The following C11orf54 variants were observed in gnomAD, a reference collection of about 807,000 sequenced individuals.
C11orf54 encodes beta-keto L-gulonate decarboxylase.
Under a neutral mutation model 35.5 loss-of-function variants are expected in C11orf54, and 29 were observed. The observed-to-expected ratio is 0.82, with a 90% CI of 0.61 to 1.11. The LOEUF is 1.11. Ranked by LOEUF, C11orf54 falls within the 50% of genes most tolerant of loss-of-function variation. C11orf54 has a pLI of 0.00. For missense variants in C11orf54, 373 were observed against 369.2 expected (o/e 1.01, Z -0.08); for synonymous variants, 108 against 121.1 (o/e 0.89, Z 0.71).
Position 93,745,356 on chromosome 11 carries a change from G to A in C11orf54, c.-97-1941G>A, listed in dbSNP as rs1382318211. Among the ~76,000 whole-genome samples the A allele has an allele frequency of 3.9e-5, 6 of 152,076 alleles. No individual in the cohort carries two copies. The East Asian group carries it at 9.6e-4, about 24-fold the overall frequency. Reference sequence around the variant, plus strand: ...GCTTTCTTGGGCAGAGGTCCCTGCAGCTTTCTGCAGTGCATCATGTCCCTG... The same window carrying A: ...GCTTTCTTGGGCAGAGGTCCCTGCAACTTTCTGCAGTGCATCATGTCCCTG... On this transcript the variant is annotated intron_variant, in intron 1 of 8. Transcript: ENST00000354421.
In C11orf54 at chr11:93,750,424, C is replaced by T; in HGVS notation, c.134C>T (p.Pro45Leu). Residue 45 changes from proline to leucine, a missense_variant, in exon 3 of 9, where the codon CCC becomes CTC. Transcript: ENST00000354421. ...VVDCPDLTKE[P>L]FTFPVKGICG... ...GATTGCCCTGATTTGACTAAGGAACCCTTTACCTTTCCTGTAAAAGGTAAG... is the reference window on the plus strand; with the variant it reads ...GATTGCCCTGATTTGACTAAGGAACTCTTTACCTTTCCTGTAAAAGGTAAG... The T allele has an allele frequency of 6.2e-7, 1 of 1,613,280 alleles. No individual in the cohort carries two copies. Among genetic ancestry groups the T allele is most frequent in the Non-Finnish European group, 8.5e-7 (1 of 1,179,608 alleles).
rs35146074 is a variant in C11orf54, at chr11:93,751,820, CTT to C, written c.154+1398_154+1399del. On this transcript the variant is annotated intron_variant, in intron 3 of 8. Transcript: ENST00000354421. Reference sequence around the variant, plus strand: ...CAAGAAAGAAGGAAAAATGGTTAATCTTTTTTTTTTTTTTTTTTTTTTTGTGT... The same window carrying C: ...CAAGAAAGAAGGAAAAATGGTTAATCTTTTTTTTTTTTTTTTTTTTTGTGT... Among the ~76,000 whole-genome samples the C allele has an allele frequency of 2.5e-3, 202 of 80,250 alleles. 1 individual carries two copies. Among genetic ancestry groups the C allele is most frequent in the South Asian group, 5.4e-3 (12 of 2,242 alleles). 52.6% of individuals were successfully genotyped at this position (80,250 alleles called of 152,430 possible). A position where few individuals can be genotyped will look rare whatever the true frequency, so the allele number is the denominator to read the frequency against.
chr11:93,759,456 T>C (rs1943340226), intron 7 of C11orf54, among the ~76,000 whole-genome samples: 1 of 151,088 alleles, frequency 6.6e-6, no homozygotes, highest in Non-Finnish European at 1.5e-5. Flanking sequence ...TGGGAACACA[T>C]GGACACAGGG....
At position 93,754,014 on chromosome 11, in the gene C11orf54, C is replaced by T; in HGVS notation, c.307C>T (p.Gln103Ter). 6.2e-7 allele frequency: 1 copy of T among 1,614,064 alleles called. No homozygotes were observed. Among genetic ancestry groups the T allele is most frequent in the Non-Finnish European group, 8.5e-7 (1 of 1,179,944 alleles). ...FILGAGAGPF[Q>*]TLGFNSEFMP... Reference sequence around the variant, plus strand: ...TCTTGGAGCAGGAGCAGGTCCATTTCAGACTCTCGGGTTCAATTCTGAGGT... The same window carrying T: ...TCTTGGAGCAGGAGCAGGTCCATTTTAGACTCTCGGGTTCAATTCTGAGGT... Residue 103 changes from glutamine (Q) to a stop codon, truncating the protein, a stop_gained, in exon 5 of 9, where the codon CAG (glutamine) becomes TAG (stop). Transcript: ENST00000354421. LOFTEE classifies it high-confidence loss of function.
chr11:93,759,655 A>G (rs1240014362), intron 7 of C11orf54, 87 bp from the exon 8 acceptor site: 2 of 585,102 alleles, frequency 3.4e-6, no homozygotes, highest in Admixed American at 3.9e-5. Context: ...TTAAACAATA[A>G]TAATAAATAA....
chr11:93,747,525 C>G, intron 2 of C11orf54, 77 bp downstream of exon 2: 1 of 1,014,038 alleles, frequency 9.9e-7, no homozygotes, highest in Non-Finnish European at 1.4e-6. Context: ...TAAGATCTAT[C>G]TATATCTTAC....
intron 1 of C11orf54, among the ~76,000 whole-genome samples, chr11:93,745,578 A>G (rs950135335): frequency 1.3e-5 from 2 of 152,246 alleles, no homozygotes; most frequent in Admixed American, 1.3e-4. Flanking sequence ...TTCTTTGTGC[A>G]GATCAAAACG....
intron 8 of C11orf54, among the ~76,000 whole-genome samples, chr11:93,761,277 G>A (rs1231333607): frequency 2.0e-5 from 3 of 152,186 alleles, no homozygotes; most frequent in Non-Finnish European, 4.4e-5. Context: ...ATTTATGGAA[G>A]GATATACAAG....
At chr11:93,754,728 CTTTTTTTTTTTTTTT>C (rs71064780) in intron 5 of C11orf54, 11 of 92,052 alleles carry the variant, frequency 1.2e-4, no homozygotes, top group African/African-American at 4.1e-4. Flanking sequence ...CAATAAATAT[CTTTTTTTTTTTTTTT>C]TTTTTTTTTG....
rs2135685217 is a variant in C11orf54, at chr11:93,761,562, A to G, written c.822A>G (p.Gly274=). ...ACACTCATTTTTTTAGTCGTCATGGAGAAGGTGGACACTACCATTATGACA... is the reference window on the plus strand; with the variant it reads ...ACACTCATTTTTTTAGTCGTCATGGGGAAGGTGGACACTACCATTATGACA... ...LEHTHFFSRH[G]EGGHYHYDTT... The change falls in exon 9 of 9, where the codon GGA becomes GGG. Residue 274 remains glycine, a synonymous_variant. Coordinates refer to ENST00000354421, the MANE Select transcript of C11orf54 (RefSeq NM_001286069.2). 6.2e-7 allele frequency: 1 copy of G among 1,611,758 alleles called. No homozygotes were observed. The highest frequency in any genetic ancestry group is 8.5e-7 in the Non-Finnish European group (1 of 1,179,124).
In C11orf54 at chr11:93,757,571, C is replaced by A. The variant is rs959913089; in HGVS notation, c.657+106C>A. On this transcript the variant is annotated intron_variant, in intron 7 of 8. Coordinates refer to ENST00000354421, the MANE Select transcript of C11orf54 (RefSeq NM_001286069.2). ...TTTAAACGGATCCTTGCTCTGTTGC[C>A]CATGCTGGAGTGTAGTGGCACAATC... is the stretch of plus-strand genomic sequence containing the variant. 4 of 1,257,200 alleles carry A rather than the reference C, an allele frequency of 3.2e-6. No individual in the cohort carries two copies. In the South Asian group the frequency reaches 6.2e-5, roughly 19 times the overall value. 77.9% of individuals were successfully genotyped at this position (1,257,200 alleles called of 1,614,324 possible).
intron 1 of C11orf54, among the ~76,000 whole-genome samples, chr11:93,745,197 C>A (rs1002209504): frequency 6.6e-6 from 1 of 152,170 alleles, no homozygotes; most frequent in Non-Finnish European, 1.5e-5. Context: ...GAAACAGAGG[C>A]CTTCCTCTTT....
chr11:93,743,757 A>G (rs1942295201), intron 1 of C11orf54, among the ~76,000 whole-genome samples: 2 of 152,110 alleles, frequency 1.3e-5, no homozygotes, highest in African/African-American at 4.8e-5. Flanking sequence ...TATAGTGTGC[A>G]CTCAAATGGT....
chr11:93,761,002 C>CTTAAA (rs1024185074), intron 8 of C11orf54, among the ~76,000 whole-genome samples: 3 of 152,060 alleles, frequency 2.0e-5, no homozygotes, highest in African/African-American at 7.2e-5. Context: ...GGATATTATA[C>CTTAAA]TTAAATATAT....
At chr11:93,760,665 T>C (rs1015657958) in intron 8 of C11orf54, among the ~76,000 whole-genome samples, 1 of 152,130 alleles carries the variant, frequency 6.6e-6, no homozygotes, top group Non-Finnish European at 1.5e-5. Context: ...TCTTCTCTTT[T>C]TTTTATTTTT....
intron 2 of C11orf54, among the ~76,000 whole-genome samples, chr11:93,748,672 C>A (rs919503501): frequency 3.3e-5 from 5 of 151,608 alleles, no homozygotes; most frequent in African/African-American, 1.2e-4. Flanking sequence ...CCCATCTCTA[C>A]TAAAAATACA....
rs148840557 is a variant in C11orf54, at chr11:93,750,389, C to T, written c.99C>T (p.Val33=). ...AAGATAACTTTGCTGATGTCCAGGT[C>T]TCTGTAGTTGATTGCCCTGATTTGA... The part of the protein sequence containing the change: ...GLKDNFADVQ[V]SVVDCPDLTK... The change falls in exon 3 of 9, where the codon GTC becomes GTT. Residue 33 remains valine, a synonymous_variant. Transcript: ENST00000354421. 3.5e-5 allele frequency: 56 copies of T among 1,613,670 alleles called. No homozygotes were observed. In the African/African-American group the frequency reaches 7.1e-4, roughly 20 times the overall value.
In C11orf54 at chr11:93,747,315, T is replaced by G; in HGVS notation, c.-79T>G. On this transcript the variant is annotated 5_prime_UTR_variant, in exon 2 of 9. Transcript: ENST00000354421. ...TTTCCAGAACAGAAACTGTTCATAC[T>G]TGGTGCGCTGTGGACTCTTGTGATA... is the stretch of plus-strand genomic sequence containing the variant. 1 of 1,104,758 alleles carries G rather than the reference T, an allele frequency of 9.1e-7. No homozygotes were observed. The highest frequency in any genetic ancestry group is 2.5e-5 in the Admixed American group (1 of 39,388). 68.4% of individuals were successfully genotyped at this position (1,104,758 alleles called of 1,614,324 possible).
At position 93,753,771 on chromosome 11, in the gene C11orf54, C is replaced by T; in HGVS notation, c.228+16C>T. The T allele has an allele frequency of 6.2e-7, 1 of 1,608,506 alleles. No homozygotes were observed. Among genetic ancestry groups the T allele is most frequent in the Non-Finnish European group, 8.5e-7 (1 of 1,175,746 alleles). On this transcript the variant is annotated intron_variant, in intron 4 of 8. Transcript: ENST00000354421. ...CCAAAAAAAAGTAAGTACTTTTACT[C>T]TGCATATTCACATGAAGATTGTAGA...
Sources: gnomAD v4.1 joint callset for allele counts (sites outside exome capture counted in the v4.1 genomes callset) on GRCh38, gnomAD v4.1.1 for gene constraint, MANE v1.5 for transcripts, NCBI Gene and HGNC (gene_info 2026-07-23, HGNC 2026-07-21) for gene names.